PPFIA1: variants seen among roughly 807,000 people sequenced by gnomAD.
The protein encoded by PPFIA1 is PPFI scaffold protein A1.
Under a neutral mutation model 149.9 loss-of-function variants are expected in PPFIA1, and 25 were observed. The observed-to-expected ratio is 0.17, with a 90% confidence interval of 0.12 to 0.23. PPFIA1 has a LOEUF of 0.23. Ranked by LOEUF, PPFIA1 falls within the 10% of genes least tolerant of loss-of-function variation. PPFIA1 has a pLI of 1.00. For synonymous variants in PPFIA1, 549 were observed against 552.8 expected, an observed-to-expected ratio of 0.99 and a Z score of 0.10; for missense variants, 1,362 against 1,506.5, an observed-to-expected ratio of 0.90 and a Z score of 1.59.
intron 2 of PPFIA1, among the ~76,000 whole-genome samples, chr11:70,306,505 A>C (rs34442623): frequency 6.6e-6 from 1 of 152,180 alleles, no homozygotes; most frequent in Non-Finnish European, 1.5e-5. Flanking sequence ...AATCAATACA[A>C]TGCCTCAATT....
chr11:70,368,339 T>G (rs1420820512), intron 21 of PPFIA1, among the ~76,000 whole-genome samples: 2 of 152,238 alleles, frequency 1.3e-5, no homozygotes, highest in Non-Finnish European at 1.5e-5. Context: ...ATTGCTTAAC[T>G]TAAATTTAGA....
chr11:70,335,430 C>A, intron 10 of PPFIA1, 133 bp from the exon 11 acceptor site: 2 of 1,032,030 alleles, frequency 1.9e-6, no homozygotes, highest in Non-Finnish European at 2.8e-6. Context: ...AAAGTCCACT[C>A]AAGATGGCAG....
Position 70,335,593 on chromosome 11 carries a change from C to T in PPFIA1, c.1327C>T (p.His443Tyr). The part of the protein sequence containing the change: ...ARQREKMNEE[H>Y]NKRLSDTVDK... ...GCAAAGAGAAAAAATGAACGAAGAACATAATAAACGTTTATCAGACACTGT... is the reference window on the plus strand; with the variant it reads ...GCAAAGAGAAAAAATGAACGAAGAATATAATAAACGTTTATCAGACACTGT... Residue 443 changes from histidine to tyrosine, a missense_variant, in exon 11 of 28, where the codon CAT (histidine) becomes TAT (tyrosine). His to Tyr is a moderately conservative substitution (Grantham distance 83, BLOSUM62 2). Transcript: ENST00000253925. The T allele has an allele frequency of 6.2e-7, 1 of 1,613,978 alleles. No individual in the cohort carries two copies.
intron 2 of PPFIA1, among the ~76,000 whole-genome samples, chr11:70,288,505 TG>T (rs1479375920): frequency 6.6e-6 from 1 of 152,240 alleles, no homozygotes; most frequent in Non-Finnish European, 1.5e-5. Flanking sequence ...TACTTGTTCC[TG>T]GGAGACCGTC....
At chr11:70,330,138 C>T in intron 7 of PPFIA1, 35 bp from the exon 8 acceptor site, 4 of 1,528,326 alleles carry the variant, frequency 2.6e-6, no homozygotes, top group Admixed American at 2.2e-5. Flanking sequence ...CGTTAATTAC[C>T]TACTTTTTTG....
Position 70,355,738 on chromosome 11 carries a change from C to T in PPFIA1, c.2415C>T (p.Ser805=). 1 of 1,614,128 alleles carries T rather than the reference C, an allele frequency of 6.2e-7. No homozygotes were observed. The highest frequency in any genetic ancestry group is 8.5e-7 in the Non-Finnish European group (1 of 1,180,038). The change falls in exon 18 of 28, where the codon TCC becomes TCT. Residue 805 remains serine (S), a synonymous_variant. Coordinates refer to ENST00000253925, the MANE Select transcript of PPFIA1 (RefSeq NM_003626.5). ...HKAPKKKGIK[S]SIGRLFGKKE... ...CCCCAAAGAAGAAAGGCATTAAGTC[C>T]TCCATTGGCCGCTTGTTTGGCAAGA... is the stretch of plus-strand genomic sequence containing the variant.
intron 15 of PPFIA1, 53 bp downstream of exon 15, chr11:70,343,945 T>C: frequency 1.3e-6 from 2 of 1,484,372 alleles, no homozygotes; most frequent in Non-Finnish European, 1.9e-6. Flanking sequence ...CTCTGAGGAA[T>C]CTCATCTTGC....
Position 70,376,570 on chromosome 11 carries a change from G to A in PPFIA1, c.3354G>A (p.Leu1118=), listed in dbSNP as rs1268974436. 5 of 1,613,986 alleles carry A rather than the reference G, an allele frequency of 3.1e-6. No individual in the cohort carries two copies. The highest frequency in any genetic ancestry group is 4.2e-6 in the Non-Finnish European group (5 of 1,179,838). ...AVLEREFNNL[L]VMGTDRRFDE... The stretch of plus-strand genomic sequence containing the variant: ...TGGAAAGAGAATTTAACAACCTTTT[G>A]GTCATGGGGACTGATAGAAGGTTTG... Residue 1118 remains leucine, a synonymous_variant, in exon 25 of 28, where the codon TTG becomes TTA. Transcript: ENST00000253925.
Position 70,277,060 on chromosome 11 carries a change from A to ATATT in PPFIA1, c.264+4625_264+4626insATTT. 8.9e-3 allele frequency among the ~76,000 whole-genome samples: 591 copies of ATATT among 66,298 alleles called. 13 individuals carry two copies. Among genetic ancestry groups the ATATT allele is most frequent in the African/African-American group, 0.025 (211 of 8,532 alleles). 43.5% of individuals were successfully genotyped at this position (66,298 alleles called of 152,430 possible). A position where few individuals can be genotyped will look rare whatever the true frequency, so the allele number is the denominator to read the frequency against. On this transcript the variant is annotated intron_variant, in intron 2 of 27. Coordinates refer to ENST00000253925, the MANE Select transcript of PPFIA1 (RefSeq NM_003626.5). ...GAGATATATATATATATATATATATATTTTTTTTTTTCCAGGCACAGTCTC... is the reference window on the plus strand; with the variant it reads ...GAGATATATATATATATATATATATATATTTTTTTTTTTTTCCAGGCACAGTCTC...
intron 4 of PPFIA1, 135 bp downstream of exon 4, chr11:70,325,146 G>A (rs2054182483): frequency 2.3e-6 from 2 of 881,372 alleles, no homozygotes; most frequent in Non-Finnish European, 3.3e-6. Context: ...ACAGGGTTTT[G>A]TAGGTTTAAA....
intron 15 of PPFIA1, among the ~76,000 whole-genome samples, chr11:70,345,745 T>G (rs1025716639): frequency 1.3e-5 from 2 of 152,162 alleles, no homozygotes; most frequent in Admixed American, 1.3e-4. Flanking sequence ...GAGGATCCCT[T>G]GAGCCCAGGA....
intron 2 of PPFIA1, among the ~76,000 whole-genome samples, chr11:70,282,747 T>C (rs905589988): frequency 8.6e-5 from 13 of 151,506 alleles, no homozygotes; most frequent in South Asian, 8.3e-4. Flanking sequence ...TTAGCCAGAA[T>C]GGTCGCGATC....
Position 70,330,240 on chromosome 11 carries a change from A to G in PPFIA1, c.998A>G (p.Gln333Arg), listed in dbSNP as rs2054571590. Residue 333 changes from glutamine (Q) to arginine (R), a missense_variant, in exon 8 of 28, where the codon CAG (glutamine) becomes CGG (arginine). This residue lies in a region of PPFIA1 where 733 missense variants were observed against 744.1 expected (regional missense o/e 0.99). Coordinates refer to ENST00000253925, the MANE Select transcript of PPFIA1 (RefSeq NM_003626.5). ...CTTGAAAAACGCTACCTCGCTGCAC[A>G]GCGTGAAGCCACATCTGTGCATGAC... ...TTLEKRYLAA[Q>R]REATSVHDLN... The G allele has an allele frequency of 1.9e-6, 3 of 1,602,522 alleles. No homozygotes were observed. Among genetic ancestry groups the G allele is most frequent in the Non-Finnish European group, 2.6e-6 (3 of 1,175,534 alleles).
At chr11:70,333,215 G>C in intron 9 of PPFIA1, 1 of 565,248 alleles carries the variant, frequency 1.8e-6, no homozygotes, top group Non-Finnish European at 3.3e-6. Context: ...TGGGCATAGG[G>C]GTTGGGGGGA....
intron 2 of PPFIA1, among the ~76,000 whole-genome samples, chr11:70,289,929 A>T (rs895273333): frequency 3.3e-5 from 5 of 152,128 alleles, no homozygotes; most frequent in African/African-American, 9.7e-5. Flanking sequence ...ACATTTTTTT[A>T]AAAAGTTTAT....
At chr11:70,300,644 C>T (rs1215555102) in intron 2 of PPFIA1, among the ~76,000 whole-genome samples, 3 of 152,086 alleles carry the variant, frequency 2.0e-5, no homozygotes, top group African/African-American at 7.2e-5. Flanking sequence ...TGCCATTCTC[C>T]TGCCTCAGCC....
In PPFIA1 at chr11:70,368,540, G is replaced by C. The variant is rs530215156; in HGVS notation, c.2866-3675G>C. On this transcript the variant is annotated intron_variant, in intron 21 of 27. Coordinates refer to ENST00000253925, the MANE Select transcript of PPFIA1 (RefSeq NM_003626.5). ...GGGTACCTTCCTTCGATATGTGTGT[G>C]TATAGAATGTGTTAGTTCTTTTTCA... 2.0e-5 allele frequency among the ~76,000 whole-genome samples: 3 copies of C among 152,316 alleles called. No individual in the cohort carries two copies. In the East Asian group the frequency reaches 5.8e-4, roughly 29 times the overall value.
intron 7 of PPFIA1, chr11:70,327,784 A>C (rs1316124496): frequency 6.8e-6 from 1 of 147,302 alleles, no homozygotes; most frequent in African/African-American, 2.6e-5. Context: ...AAAAAAAAAA[A>C]GAGAGAAACT....
chr11:70,373,874 G>T (rs2057375740), intron 23 of PPFIA1: 1 of 152,202 alleles, frequency 6.6e-6, no homozygotes, highest in Non-Finnish European at 1.5e-5. Context: ...TACAGTGTGT[G>T]TATATGTATG....
Sources: allele counts gnomAD v4.1 joint callset (sites outside exome capture counted in the v4.1 genomes callset), GRCh38; gene constraint gnomAD v4.1.1; regional missense constraint gnomAD v4.1.1; transcripts MANE v1.5; gene names NCBI Gene and HGNC (gene_info 2026-07-23, HGNC 2026-07-21).